The following CLDND1 variants were observed in gnomAD, a reference collection of about 807,000 sequenced individuals.
CLDND1 encodes the protein claudin domain containing 1.
A neutral mutation model predicts 26.3 loss-of-function variants in CLDND1; 13 were observed. That is an observed-to-expected ratio of 0.49 (90% CI 0.32 to 0.78). The LOEUF (loss-of-function observed/expected upper bound fraction) is 0.78. Among genes scored for constraint, CLDND1 ranks in the 30% least tolerant of loss-of-function variants. The probability of loss-of-function intolerance (pLI) is 0.03; values close to 1 mark genes in which losing one functional copy is unlikely to be tolerated. For missense variants in CLDND1, 289 were observed against 312.8 expected, an observed-to-expected ratio of 0.92 and a Z score of 0.57; for synonymous variants, 107 against 107.0, an observed-to-expected ratio of 1.00 and a Z score of 0.00.
chr3:98,517,947 G>C (rs911927391), intron 3 of CLDND1, among the ~76,000 whole-genome samples: 1 of 152,108 alleles, frequency 6.6e-6, no homozygotes, highest in African/African-American at 2.4e-5. Flanking sequence ...TAAATTAATG[G>C]TAATTATAAA....
At position 98,518,900 on chromosome 3, in the gene CLDND1, C is replaced by G; in HGVS notation, c.388G>C (p.Asp130His). ...VDPGNHNSGIDLLRTYLWRCQ... is the reference protein window; with the variant it reads ...VDPGNHNSGIHLLRTYLWRCQ... ...AAGTACTCACAGGTCCTAAGGAGAT[C>G]AATCCCGCTATTGTGGTTTCCGGGA... The change falls in exon 3 of 5, where the codon GAT becomes CAT. Residue 130 changes from aspartate (D) to histidine (H), a missense_variant. Physicochemically the swap from Asp to His is moderately conservative, Grantham distance 81. Coordinates refer to ENST00000341181, the MANE Select transcript of CLDND1 (RefSeq NM_001040181.2). The G allele has an allele frequency of 6.2e-7, 1 of 1,603,458 alleles. No individual in the cohort carries two copies. The highest frequency in any genetic ancestry group is 8.5e-7 in the Non-Finnish European group (1 of 1,170,346).
chr3:98,522,675 G>T, intron 1 of CLDND1, 174 bp downstream of exon 1: 1 of 1,442,648 alleles, frequency 6.9e-7, no homozygotes, highest in Non-Finnish European at 9.1e-7. Flanking sequence ...CCCGGGCCAG[G>T]GTCCCCCGGT....
At chr3:98,521,546 T>G in intron 1 of CLDND1, 104 bp from the exon 2 acceptor site, 1 of 1,459,106 alleles carries the variant, frequency 6.9e-7, no homozygotes, top group Non-Finnish European at 9.5e-7. Context: ...TCCCCATCCC[T>G]TCGTACATAT....
chr3:98,520,463 T>C (rs1706358894), intron 2 of CLDND1, among the ~76,000 whole-genome samples: 1 of 152,228 alleles, frequency 6.6e-6, no homozygotes, highest in South Asian at 2.1e-4. Flanking sequence ...TGTAAAGTTG[T>C]TCCTTACAAA....
intron 2 of CLDND1, chr3:98,520,888 A>AAAAAAG: frequency 3.0e-6 from 1 of 333,498 alleles, no homozygotes; most frequent in East Asian, 4.7e-5. Flanking sequence ...AGTAAATAAG[A>AAAAAAG]AAAAAAAAAG....
At chr3:98,519,635 C>T (rs1010696089) in intron 2 of CLDND1, among the ~76,000 whole-genome samples, 4 of 152,196 alleles carry the variant, frequency 2.6e-5, no homozygotes, top group Admixed American at 6.5e-5. Flanking sequence ...GGAGTCAACA[C>T]CAAAGTTCTC....
chr3:98,522,826 C>A, intron 1 of CLDND1, 23 bp downstream of exon 1: 2 of 1,613,742 alleles, frequency 1.2e-6, no homozygotes, highest in Non-Finnish European at 1.7e-6. Flanking sequence ...CCCTGCCCGG[C>A]GACGCAGGTC....
chr3:98,516,883 G>T lies in CLDND1; in HGVS notation c.542-4C>A, dbSNP rs962964898. ...ACTGAGCCCAGTGTACACAGACCTT[G>T]GGGGAAAATTTAGAAAACAAAACAA... On this transcript the variant is annotated splice_polypyrimidine_tract_variant and splice_region_variant and intron_variant, in intron 4 of 4. Coordinates refer to ENST00000341181, the MANE Select transcript of CLDND1 (RefSeq NM_001040181.2). 1 of 1,613,646 alleles carries T rather than the reference G, an allele frequency of 6.2e-7. No individual in the cohort carries two copies. Among genetic ancestry groups the T allele is most frequent in the South Asian group, 1.1e-5 (1 of 91,028 alleles).
rs1706133256 is a variant in CLDND1 at position 98,516,283 on chromosome 3, T to C, written c.*376A>G. 1 of 1,032,006 alleles carries C rather than the reference T, an allele frequency of 9.7e-7. No individual in the cohort carries two copies. Among genetic ancestry groups the C allele is most frequent in the Admixed American group, 5.1e-5 (1 of 19,458 alleles). The allele number at this position is 1,032,006 out of a possible 1,614,324, so 63.9% of individuals were successfully genotyped here. On this transcript the variant is annotated 3_prime_UTR_variant, in exon 5 of 5. Coordinates refer to ENST00000341181, the MANE Select transcript of CLDND1 (RefSeq NM_001040181.2). ...ACGATGAGAGGTTTCCCAAAGAAAC[T>C]AATATAGAGTTTTTAGTTGAACAGA... is the stretch of plus-strand genomic sequence containing the variant.
At chr3:98,522,596 C>A in intron 1 of CLDND1, 1 of 1,377,260 alleles carries the variant, frequency 7.3e-7, no homozygotes, top group Non-Finnish European at 9.3e-7. Flanking sequence ...ACGCCTGCAG[C>A]AGCCACCTCC....
intron 1 of CLDND1, 33 bp downstream of exon 1, chr3:98,522,816 C>G (rs752632196): frequency 6.2e-7 from 1 of 1,613,704 alleles, no homozygotes; most frequent in Admixed American, 1.7e-5. Context: ...GCGACGCGAC[C>G]CCTGCCCGGC....
At chr3:98,519,082 A>G in intron 2 of CLDND1, 87 bp from the exon 3 acceptor site, 1 of 804,878 alleles carries the variant, frequency 1.2e-6, no homozygotes, top group Non-Finnish European at 2.0e-6. Flanking sequence ...GTAAAACAGT[A>G]AAGGATGTTT....
chr3:98,518,716 T>C lies in CLDND1; in HGVS notation c.403+169A>G. ...TCATTTGAAATTTGGTAAGCATGTA[T>C]CTACCTTCTAAAATATCAACAGAAT... On this transcript the variant is annotated intron_variant, in intron 3 of 4. Transcript: ENST00000341181. 7.0e-6 allele frequency: 4 copies of C among 574,684 alleles called. No individual in the cohort carries two copies. In the South Asian group the frequency reaches 8.8e-5, roughly 13 times the overall value. 35.6% of individuals were successfully genotyped at this position (574,684 alleles called of 1,614,324 possible).
intron 4 of CLDND1, 66 bp from the exon 5 acceptor site, chr3:98,516,945 A>G: frequency 1.2e-6 from 2 of 1,608,462 alleles, no homozygotes; most frequent in Non-Finnish European, 8.5e-7. Flanking sequence ...AGAGCTTTTC[A>G]GGCAATGTGA....
At chr3:98,517,495 A>C (rs1245155086) in intron 3 of CLDND1, 4 of 281,340 alleles carry the variant, frequency 1.4e-5, no homozygotes, top group Non-Finnish European at 2.6e-5. Flanking sequence ...TCAGCCCTCC[A>C]TATCTGCAGG....
At position 98,521,225 on chromosome 3, in the gene CLDND1, G is replaced by C; in HGVS notation, c.200C>G (p.Ala67Gly). The C allele has an allele frequency of 6.2e-7, 1 of 1,614,164 alleles. No individual in the cohort carries two copies. The highest frequency in any genetic ancestry group is 1.1e-5 in the South Asian group (1 of 91,084). ...DEADEKTYNDALFRYNGTVGL... is the reference protein window; with the variant it reads ...DEADEKTYNDGLFRYNGTVGL... ...CACTGTGCCATTGTATCGAAAAAGT[G>C]CATCATTATAAGTCTTTTCATCTGC... Residue 67 changes from alanine to glycine, a missense_variant, in exon 2 of 5, where the codon GCA (alanine) becomes GGA (glycine). Ala to Gly is a moderately conservative substitution (Grantham distance 60, BLOSUM62 0). Transcript: ENST00000341181.
chr3:98,520,901 A>G, intron 2 of CLDND1: 2 of 440,718 alleles, frequency 4.5e-6, no homozygotes, highest in Admixed American at 7.7e-5. Flanking sequence ...AAAAAAAGCC[A>G]TTAAGGCTTT....
In CLDND1 at chr3:98,516,637, T is replaced by G. The variant is rs754998566; in HGVS notation, c.*22A>C. 7.6e-6 allele frequency: 12 copies of G among 1,588,646 alleles called. No individual in the cohort carries two copies. Among genetic ancestry groups the G allele is most frequent in the Non-Finnish European group, 1.0e-5 (12 of 1,169,282 alleles). On this transcript the variant is annotated 3_prime_UTR_variant, in exon 5 of 5. Transcript: ENST00000341181. ...ATTTTAAAAAAATAAAAATGGCAAT[T>G]GTAAAGCAGGCAGTTTCTTGCTCAT... is the stretch of plus-strand genomic sequence containing the variant.
At chr3:98,519,581 T>C (rs1057433898) in intron 2 of CLDND1, among the ~76,000 whole-genome samples, 7 of 152,196 alleles carry the variant, frequency 4.6e-5, no homozygotes, top group African/African-American at 1.7e-4. Flanking sequence ...GCCTCTGTTC[T>C]CACAACAGCC....
Sources: gnomAD v4.1 joint callset for allele counts (sites outside exome capture counted in the v4.1 genomes callset) on GRCh38, gnomAD v4.1.1 for gene constraint, MANE v1.5 for transcripts, NCBI Gene and HGNC (gene_info 2026-07-23, HGNC 2026-07-21) for gene names.